HMBOX1: variants seen among roughly 807,000 people sequenced by gnomAD.
The protein encoded by HMBOX1 is homeobox-containing protein 1.
A neutral mutation model predicts 54.5 loss-of-function variants in HMBOX1; 14 were observed. The ratio of observed to expected loss-of-function variants is 0.26; its 90% CI spans 0.17 to 0.40. HMBOX1 has a LOEUF of 0.40. Ranked by LOEUF, HMBOX1 falls within the 10% of genes least tolerant of loss-of-function variation. The pLI is 1.00. For missense variants in HMBOX1, 332 were observed against 514.4 expected (o/e 0.65, Z 3.43); for synonymous variants, 160 against 181.0 (o/e 0.88, Z 0.93).
chr8:28,922,265 A>C (rs193300606), intron 1 of HMBOX1, among the ~76,000 whole-genome samples: 87 of 152,326 alleles, frequency 5.7e-4, no homozygotes, highest in Non-Finnish European at 1.1e-3. Context: ...GATGCTTTAA[A>C]GTACACCAGA....
chr8:28,997,269 A>G (rs1040010493), intron 4 of HMBOX1, among the ~76,000 whole-genome samples: 1 of 152,096 alleles, frequency 6.6e-6, no homozygotes, highest in African/African-American at 2.4e-5. Flanking sequence ...CAGGGTAAGG[A>G]AGTTTGCTTC....
In HMBOX1 at chr8:29,049,000, A is replaced by C; in HGVS notation, c.1077A>C (p.Gly359=). Residue 359 remains glycine, a synonymous_variant, in exon 9 of 10, where the codon GGA becomes GGC. Coordinates refer to ENST00000287701, the MANE Select transcript of HMBOX1 (RefSeq NM_001135726.3). Reference sequence around the variant, plus strand: ...ATGGGATAGATGTGCAGAGTCCAGGAGGCCACTCAAACAGTGATGATGTCG... The same window carrying C: ...ATGGGATAGATGTGCAGAGTCCAGGCGGCCACTCAAACAGTGATGATGTCG... ...ESHGIDVQSP[G]GHSNSDDVDG... 15 of 1,614,124 alleles carry C rather than the reference A, an allele frequency of 9.3e-6. No homozygotes were observed. Among genetic ancestry groups the C allele is most frequent in the Non-Finnish European group, 1.2e-5 (14 of 1,180,006 alleles).
Position 28,890,477 on chromosome 8 carries a change from G to C in HMBOX1, c.-259G>C, listed in dbSNP as rs765273989. 1 of 153,196 alleles carries C rather than the reference G, an allele frequency of 6.5e-6. No homozygotes were observed. The highest frequency in any genetic ancestry group is 1.5e-5 in the Non-Finnish European group (1 of 68,416). 9.5% of individuals were successfully genotyped at this position (153,196 alleles called of 1,614,324 possible). On this transcript the variant is annotated 5_prime_UTR_variant, in exon 1 of 10. Coordinates refer to ENST00000287701, the MANE Select transcript of HMBOX1 (RefSeq NM_001135726.3). ...AGACAAGGGAGGTTTTTCAGGGGGAGACTGGGAGATAGGGGCCTCCCCTCC... is the reference window on the plus strand; with the variant it reads ...AGACAAGGGAGGTTTTTCAGGGGGACACTGGGAGATAGGGGCCTCCCCTCC...
intron 3 of HMBOX1, among the ~76,000 whole-genome samples, chr8:28,979,522 AG>A (rs1829000393): frequency 6.6e-6 from 1 of 152,224 alleles, no homozygotes; most frequent in Non-Finnish European, 1.5e-5. Flanking sequence ...ATACAGGAAA[AG>A]AAGTTAAAGA....
At chr8:28,951,901 C>T (rs1168964456) in intron 1 of HMBOX1, among the ~76,000 whole-genome samples, 5 of 152,140 alleles carry the variant, frequency 3.3e-5, no homozygotes, top group African/African-American at 2.4e-5. Context: ...AGCACGGTGG[C>T]TCCCACCTGT....
intron 4 of HMBOX1, among the ~76,000 whole-genome samples, chr8:28,997,585 C>T (rs11136054): frequency 0.6 from 91,544 of 152,012 alleles, 28,126 homozygotes; most frequent in East Asian, 0.7. Context: ...CTCACTCTGT[C>T]GCCCAAGCTA....
intron 1 of HMBOX1, among the ~76,000 whole-genome samples, chr8:28,910,193 C>G (rs897739066): frequency 2.0e-5 from 3 of 152,154 alleles, no homozygotes; most frequent in African/African-American, 7.2e-5. Context: ...TGTTTCTGGT[C>G]TCTTTGACTA....
chr8:28,939,546 C>T (rs1820979165), intron 1 of HMBOX1, among the ~76,000 whole-genome samples: 1 of 151,810 alleles, frequency 6.6e-6, no homozygotes, highest in African/African-American at 2.4e-5. Flanking sequence ...TTGCTCTTGT[C>T]GCCCAGACTG....
Position 28,944,014 on chromosome 8 carries a change from CCTT to C in HMBOX1, c.-57-19793_-57-19791del, listed in dbSNP as rs539372738. Among the ~76,000 whole-genome samples the C allele has an allele frequency of 2.6e-4, 39 of 152,266 alleles. 1 individual carries two copies. The South Asian group carries it at 8.1e-3, about 32-fold the overall frequency. ...CTCTACTGTTGTACATACAGAGACA[CCTT>C]CTTGGCTTGTTTCTCTAGCGCTGAC... is the stretch of plus-strand genomic sequence containing the variant. On this transcript the variant is annotated intron_variant, in intron 1 of 9. Transcript: ENST00000287701.
chr8:28,978,250 A>G (rs1206086829), intron 3 of HMBOX1, among the ~76,000 whole-genome samples: 1 of 152,202 alleles, frequency 6.6e-6, no homozygotes, highest in East Asian at 1.9e-4. Flanking sequence ...TCAGGGAGCT[A>G]AAATCCCTCA....
chr8:28,915,437 G>A, intron 1 of HMBOX1: 1 of 151,626 alleles, frequency 6.6e-6, no homozygotes. Context: ...GGTGCCTGTA[G>A]TCCCAGCTAC....
At chr8:29,032,923 GATA>G (rs143387690) in intron 6 of HMBOX1, among the ~76,000 whole-genome samples, 11,758 of 152,124 alleles carry the variant, frequency 0.077, 575 homozygotes, top group Non-Finnish European at 0.11. Flanking sequence ...TTCGATGATT[GATA>G]ATAATAATCA....
At chr8:28,937,862 T>C (rs911034319) in intron 1 of HMBOX1, among the ~76,000 whole-genome samples, 2 of 151,400 alleles carry the variant, frequency 1.3e-5, no homozygotes, top group Non-Finnish European at 2.9e-5. Context: ...TTCATTTTTG[T>C]CCCTCTGTAT....
intron 6 of HMBOX1, among the ~76,000 whole-genome samples, chr8:29,043,817 A>G (rs528449884): frequency 8.5e-4 from 130 of 152,296 alleles, no homozygotes; most frequent in African/African-American, 3.0e-3. Flanking sequence ...AAAAGCCATT[A>G]GAAATGTGAA....
intron 1 of HMBOX1, among the ~76,000 whole-genome samples, chr8:28,904,151 TC>T (rs1032108291): frequency 6.6e-6 from 1 of 152,174 alleles, no homozygotes; most frequent in African/African-American, 2.4e-5. Context: ...CCATAATGTA[TC>T]ACTTATGATT....
At chr8:28,890,166 A>C, upstream of HMBOX1, 1 of 482,906 alleles carries the variant, frequency 2.1e-6, no homozygotes, top group Non-Finnish European at 3.8e-6. Context: ...CCCCAGCATG[A>C]TATCATGTCT....
rs1806442296 is a variant in HMBOX1, at chr8:29,051,670, A to G, written c.*515A>G. On this transcript the variant is annotated 3_prime_UTR_variant, in exon 10 of 10. Coordinates refer to ENST00000287701, the MANE Select transcript of HMBOX1 (RefSeq NM_001135726.3). ...CTCAGCGTGAGGATAATTGATTTCCAGCTGCAATAAGCCGTGCCTCATTAT... is the reference window on the plus strand; with the variant it reads ...CTCAGCGTGAGGATAATTGATTTCCGGCTGCAATAAGCCGTGCCTCATTAT... The G allele has an allele frequency of 4.3e-6, 3 of 699,406 alleles. No homozygotes were observed. The highest frequency in any genetic ancestry group is 3.0e-5 in the South Asian group (2 of 67,490). The allele number at this position is 699,406 out of a possible 1,614,324, so 43.3% of individuals were successfully genotyped here.
At chr8:28,975,238 A>G (rs1282084641) in intron 3 of HMBOX1, among the ~76,000 whole-genome samples, 1 of 152,234 alleles carries the variant, frequency 6.6e-6, no homozygotes, top group Non-Finnish European at 1.5e-5. Context: ...GGGTAGTAGG[A>G]GAGATGAGAC....
chr8:28,913,855 CTT>C (rs1304959910), intron 1 of HMBOX1, among the ~76,000 whole-genome samples: 8,436 of 101,042 alleles, frequency 0.083, 233 homozygotes, highest in South Asian at 0.23. Context: ...TCAAGTGATT[CTT>C]TTTTTTTTTT....
Sources: gnomAD v4.1 joint callset for allele counts (sites outside exome capture counted in the v4.1 genomes callset) on GRCh38, gnomAD v4.1.1 for gene constraint, MANE v1.5 for transcripts, NCBI Gene and HGNC (gene_info 2026-07-23, HGNC 2026-07-21) for gene names.